The following HMGA2 variants were observed in gnomAD, a reference collection of about 807,000 sequenced individuals.
HMGA2 encodes high mobility group AT-hook 2.
HMGA2 carries 8 observed loss-of-function variants against 19.1 expected under a neutral mutation model. The observed-to-expected ratio is 0.42, with a 90% CI of 0.25 to 0.76. The LOEUF is 0.76. Among genes scored for constraint, HMGA2 ranks in the 30% least tolerant of loss-of-function variants. The probability of loss-of-function intolerance (pLI) is 0.28; values close to 1 mark genes in which losing one functional copy is unlikely to be tolerated. For synonymous variants in HMGA2, 60 were observed against 48.8 expected (o/e 1.23, Z -0.96); for missense variants, 109 against 136.3 (o/e 0.80, Z 1.00).
At chr12:65,865,258 T>C (rs1451743168) in intron 3 of HMGA2, among the ~76,000 whole-genome samples, 2 of 152,170 alleles carry the variant, frequency 1.3e-5, no homozygotes, top group African/African-American at 2.4e-5. Flanking sequence ...TTAAGTTTTG[T>C]GGAGTCAAAA....
chr12:65,931,099 C>T (rs11175971), intron 3 of HMGA2, among the ~76,000 whole-genome samples: 2,846 of 152,024 alleles, frequency 0.019, 42 homozygotes, highest in Middle Eastern at 0.054. Flanking sequence ...AGGTAAAAGA[C>T]ATCTGTATTT....
chr12:65,925,041 A>G (rs1380392506), intron 3 of HMGA2, among the ~76,000 whole-genome samples: 1 of 152,056 alleles, frequency 6.6e-6, no homozygotes, highest in African/African-American at 2.4e-5. Context: ...TTCCAAGCAG[A>G]CCCTCCTTAA....
intron 3 of HMGA2, among the ~76,000 whole-genome samples, chr12:65,841,879 C>T (rs1410499640): frequency 6.6e-6 from 1 of 152,162 alleles, no homozygotes; most frequent in South Asian, 2.1e-4. Context: ...GAGAAACTTG[C>T]ATCAGTCTTG....
At chr12:65,929,533 A>G (rs534786465) in intron 3 of HMGA2, among the ~76,000 whole-genome samples, 266 of 151,718 alleles carry the variant, frequency 1.8e-3, no homozygotes, top group Non-Finnish European at 3.0e-3. Flanking sequence ...GCAAATTTAA[A>G]AAGGGAGTGT....
At chr12:65,906,505 A>G (rs539944338) in intron 3 of HMGA2, among the ~76,000 whole-genome samples, 1 of 152,322 alleles carries the variant, frequency 6.6e-6, no homozygotes, top group African/African-American at 2.4e-5. Context: ...AGAAGGAAAA[A>G]GCTAAGCACA....
At chr12:65,840,246 A>T (rs1189683562) in intron 3 of HMGA2, among the ~76,000 whole-genome samples, 3 of 152,184 alleles carry the variant, frequency 2.0e-5, no homozygotes, top group African/African-American at 7.2e-5. Flanking sequence ...GTGTAAAAAA[A>T]CTATTTTATT....
chr12:65,872,328 T>C (rs1872749863), intron 3 of HMGA2, among the ~76,000 whole-genome samples: 1 of 152,150 alleles, frequency 6.6e-6, no homozygotes, highest in Admixed American at 6.5e-5. Context: ...GTGTTTCTTC[T>C]CTTGTCAAGA....
chr12:65,898,766 C>T (rs1226472160), intron 3 of HMGA2, among the ~76,000 whole-genome samples: 4 of 152,032 alleles, frequency 2.6e-5, no homozygotes, highest in Non-Finnish European at 5.9e-5. Flanking sequence ...ATGAGGAGGC[C>T]GGGCGCAGTG....
chr12:65,920,238 G>A (rs1161745903), intron 3 of HMGA2, among the ~76,000 whole-genome samples: 2 of 152,218 alleles, frequency 1.3e-5, no homozygotes, highest in East Asian at 1.9e-4. Flanking sequence ...CACAGGAAAC[G>A]CTTGCCTCTA....
chr12:65,855,859 A>G (rs1871714545), intron 3 of HMGA2: 1 of 151,690 alleles, frequency 6.6e-6, no homozygotes, highest in Non-Finnish European at 1.5e-5. Context: ...AATCCCAGCT[A>G]TGCTGTGGCA....
At position 65,849,736 on chromosome 12, in the gene HMGA2, A is replaced by ATTTTTTTTTTTTTTTTT. The variant is rs34541445; in HGVS notation, c.249+11175_249+11191dup. On this transcript the variant is annotated intron_variant, in intron 3 of 4. Transcript: ENST00000403681. ...AAACCAAGACAATGGTAGGCTCTGT[A>ATTTTTTTTTTTTTTTTT]TTTTTTTTTTTTTTTTTTTTTTTTG... 1.5e-4 allele frequency among the ~76,000 whole-genome samples: 13 copies of ATTTTTTTTTTTTTTTTT among 85,124 alleles called. 1 individual carries two copies. Among genetic ancestry groups the ATTTTTTTTTTTTTTTTT allele is most frequent in the African/African-American group, 2.7e-4 (5 of 18,530 alleles). The allele number at this position is 85,124 out of a possible 152,430, so 55.8% of individuals were successfully genotyped here.
intron 4 of HMGA2, chr12:65,954,444 T>C (rs547013763): frequency 6.6e-6 from 1 of 152,212 alleles, no homozygotes; most frequent in South Asian, 2.1e-4. Context: ...GTCACACGTA[T>C]ACAGAATTAC....
chr12:65,861,414 A>C (rs1054682183), intron 3 of HMGA2, among the ~76,000 whole-genome samples: 1 of 152,178 alleles, frequency 6.6e-6, no homozygotes, highest in South Asian at 2.1e-4. Context: ...TTAAGAAAAC[A>C]ATACATGCTA....
At chr12:65,928,329 A>T (rs1192967052) in intron 3 of HMGA2, among the ~76,000 whole-genome samples, 1 of 152,222 alleles carries the variant, frequency 6.6e-6, no homozygotes, top group Non-Finnish European at 1.5e-5. Flanking sequence ...TAGGGCACTT[A>T]CCATGGATGG....
rs143707177 is a variant in HMGA2, at chr12:65,927,831, C to CTGTGTGTG, written c.250-23538_250-23531dup. Among the ~76,000 whole-genome samples, 621 of 145,090 alleles carry CTGTGTGTG rather than the reference C, an allele frequency of 4.3e-3. 2 individuals are homozygous for CTGTGTGTG. Among genetic ancestry groups the CTGTGTGTG allele is most frequent in the African/African-American group, 9.7e-3 (380 of 39,342 alleles). On this transcript the variant is annotated intron_variant, in intron 3 of 4. Transcript: ENST00000403681. ...TCTCTGTCTCTCTCTCTCTTTGTAT[C>CTGTGTGTG]TGTGTGTGTGTGTGTGTGTGTATAT...
intron 3 of HMGA2, among the ~76,000 whole-genome samples, chr12:65,921,541 C>T (rs1955329364): frequency 6.6e-6 from 1 of 152,208 alleles, no homozygotes. Context: ...GCCACTGCGC[C>T]CGGCAGGCAT....
chr12:65,844,066 A>AAG (rs1565705204), intron 3 of HMGA2, among the ~76,000 whole-genome samples: 1 of 151,910 alleles, frequency 6.6e-6, no homozygotes, highest in African/African-American at 2.4e-5. Flanking sequence ...AAAAAAAAAA[A>AAG]AAAGAAATAT....
intron 4 of HMGA2, chr12:65,956,709 T>C (rs561458317): frequency 1.3e-5 from 2 of 151,642 alleles, no homozygotes; most frequent in South Asian, 2.1e-4. Context: ...CTGTGAGAGT[T>C]TTTTTTTTAA....
rs1197066108 is a variant in HMGA2 at position 65,947,124 on chromosome 12, T to C, written c.250-4259T>C. Among the ~76,000 whole-genome samples the C allele has an allele frequency of 5.1e-5, 7 of 138,322 alleles. No homozygotes were observed. In the East Asian group the frequency reaches 1.4e-3, roughly 28 times the overall value. 90.7% of individuals were successfully genotyped at this position (138,322 alleles called of 152,430 possible). A position where few individuals can be genotyped will look rare whatever the true frequency, so the allele number is the denominator to read the frequency against. On this transcript the variant is annotated intron_variant, in intron 3 of 4. Transcript: ENST00000403681. ...CATGGGGTCTTTGAATTCTCACCAC[T>C]TTTTTTTTTTTTTGAGGCAGAGTCT...
Sources: allele counts gnomAD v4.1 joint callset (sites outside exome capture counted in the v4.1 genomes callset), GRCh38; gene constraint gnomAD v4.1.1; transcripts MANE v1.5; gene names NCBI Gene and HGNC (gene_info 2026-07-23, HGNC 2026-07-21).